The following EVC2 variants were observed in gnomAD, a reference collection of about 807,000 sequenced individuals.
EVC2 encodes EvC ciliary complex subunit 2.
Under a neutral mutation model 149.3 loss-of-function variants are expected in EVC2, and 148 were observed. The observed-to-expected ratio is 0.99, with a 90% confidence interval of 0.87 to 1.14. EVC2 has a LOEUF of 1.14. EVC2 is among the 50% of genes most tolerant of loss of function. EVC2 has a pLI of 0.00. For synonymous variants in EVC2, 776 were observed against 649.9 expected (o/e 1.19, Z -2.95); for missense variants, 1,854 against 1,627.3 (o/e 1.14, Z -2.40).
Position 5,689,332 on chromosome 4 carries a change from C to G in EVC2, c.531G>C (p.Ser177=), listed in dbSNP as rs146658261. 6.2e-7 allele frequency: 1 copy of G among 1,614,084 alleles called. No individual in the cohort carries two copies. ...ATATGCGGGCTGTCTGTGCTTCACT[C>G]GACCCAGACACCTAGGGCAGAAGGA... is the stretch of plus-strand genomic sequence containing the variant. ...IFQKCALVSG[S]SEAQTARIWL... Residue 177 remains serine (S), a synonymous_variant, in exon 5 of 22, where the codon TCG becomes TCC. Transcript: ENST00000344408.
At chr4:5,665,743 G>A in intron 7 of EVC2, 94 bp from the exon 8 acceptor site, 1 of 1,543,980 alleles carries the variant, frequency 6.5e-7, no homozygotes, top group Non-Finnish European at 8.8e-7. Flanking sequence ...AGACCAAGCA[G>A]GGACCAGGGG....
Position 5,649,893 on chromosome 4 carries a change from G to A in EVC2, c.1146-9055C>T, listed in dbSNP as rs563559798. ...AAGGCATAGACAATGGAAATTTGGG[G>A]AGAAAAATACCTCCTGAGTATATTT... On this transcript the variant is annotated intron_variant, in intron 9 of 21. Transcript: ENST00000344408. 2.6e-5 allele frequency among the ~76,000 whole-genome samples: 4 copies of A among 152,198 alleles called. No individual in the cohort carries two copies. The South Asian group carries it at 8.3e-4, about 32-fold the overall frequency.
intron 7 of EVC2, among the ~76,000 whole-genome samples, 168 bp from the exon 8 acceptor site, chr4:5,665,817 T>A (rs548668328): frequency 6.6e-6 from 1 of 152,294 alleles, no homozygotes; most frequent in East Asian, 1.9e-4. Flanking sequence ...CCCTCGCTGG[T>A]CCTCTCTGAG....
chr4:5,703,353 T>C (rs879271317), intron 1 of EVC2, among the ~76,000 whole-genome samples: 2 of 152,232 alleles, frequency 1.3e-5, no homozygotes, highest in Non-Finnish European at 2.9e-5. Flanking sequence ...AGATGAGGAA[T>C]GTGAATCTGA....
chr4:5,639,798 AC>A (rs1717182629), intron 10 of EVC2, among the ~76,000 whole-genome samples: 1 of 152,194 alleles, frequency 6.6e-6, no homozygotes, highest in African/African-American at 2.4e-5. Context: ...TTTCTTCTCT[AC>A]CCATGAATTC....
At position 5,596,667 on chromosome 4, in the gene EVC2, A is replaced by G. The variant is rs78602253; in HGVS notation, c.2830-11817T>C. On this transcript the variant is annotated intron_variant, in intron 16 of 21. Transcript: ENST00000344408. Reference sequence around the variant, plus strand: ...ACATCACAATTAAAAGAACTACAGAAGTAAGAGCAAACACATTCAAAAGCT... The same window carrying G: ...ACATCACAATTAAAAGAACTACAGAGGTAAGAGCAAACACATTCAAAAGCT... Among the ~76,000 whole-genome samples the G allele has an allele frequency of 2.2e-4, 34 of 152,336 alleles. No homozygotes were observed. In the East Asian group the frequency reaches 4.4e-3, roughly 20 times the overall value.
intron 5 of EVC2, 145 bp downstream of exon 5, chr4:5,689,012 C>G (rs1720920075): frequency 2.3e-6 from 2 of 863,864 alleles, no homozygotes; most frequent in Non-Finnish European, 1.8e-6. Flanking sequence ...TTTTTGATAC[C>G]CTGATAGTAA....
chr4:5,677,009 G>GC lies in EVC2; in HGVS notation c.870+4250_870+4251insG. ...AGCCCCCGTGGGCATTGGGGCATGA[G>GC]GCCCTGATGCAAAACATTCACTGTC... On this transcript the variant is annotated intron_variant, in intron 7 of 21. Coordinates refer to ENST00000344408, the MANE Select transcript of EVC2 (RefSeq NM_147127.5). The surrounding 1 kb of genome is among the most constrained non-coding windows in gnomAD (Gnocchi z 4.3). Among the ~76,000 whole-genome samples, 1 of 152,140 alleles carries GC rather than the reference G, an allele frequency of 6.6e-6. No individual in the cohort carries two copies. Among genetic ancestry groups the GC allele is most frequent in the Admixed American group, 6.5e-5 (1 of 15,276 alleles).
At chr4:5,701,327 T>C (rs2151743306) in intron 1 of EVC2, among the ~76,000 whole-genome samples, 2 of 152,320 alleles carry the variant, frequency 1.3e-5, no homozygotes, top group South Asian at 4.2e-4. Flanking sequence ...CTGAATTCCT[T>C]GTATAATGTC....
chr4:5,615,288 C>A, intron 16 of EVC2, 134 bp downstream of exon 16: 1 of 1,446,180 alleles, frequency 6.9e-7, no homozygotes, highest in Non-Finnish European at 9.5e-7. Context: ...TACCTTAGCA[C>A]CTGAGTGAGT....
chr4:5,662,567 AAT>A (rs1018457937), intron 9 of EVC2, among the ~76,000 whole-genome samples: 1 of 137,308 alleles, frequency 7.3e-6, no homozygotes, highest in Non-Finnish European at 1.6e-5. Context: ...TATTAAATAT[AAT>A]ATATATTTAT....
chr4:5,583,514 T>C lies in EVC2; in HGVS notation c.3057+1109A>G, dbSNP rs550204735. Among the ~76,000 whole-genome samples the C allele has an allele frequency of 2.6e-5, 4 of 152,338 alleles. No individual in the cohort carries two copies. The East Asian group carries it at 5.8e-4, about 22-fold the overall frequency. ...TGTGGTTTGGAAGATTTTAAAGTAC[T>C]GAATCAATTTCTTTCATGGCAAGAG... is the stretch of plus-strand genomic sequence containing the variant. On this transcript the variant is annotated intron_variant, in intron 17 of 21. Transcript: ENST00000344408.
At position 5,665,576 on chromosome 4, in the gene EVC2, GC is replaced by G; in HGVS notation, c.943del (p.Ala315LeufsTer12). ...ATAGCGAACCATGAGGAAGAGGGCA[GC>G]CCAGGTCAGCACAAGGGAGAGGAGG... The part of the protein sequence containing the change: ...AFLLSLVLTW[A>X]ALFLMVRYQC... On this transcript the variant is annotated frameshift_variant, in exon 8 of 22. Coordinates refer to ENST00000344408, the MANE Select transcript of EVC2 (RefSeq NM_147127.5). LOFTEE classifies it high-confidence loss of function. The G allele has an allele frequency of 6.2e-7, 1 of 1,614,216 alleles. No homozygotes were observed. The highest frequency in any genetic ancestry group is 8.5e-7 in the Non-Finnish European group (1 of 1,180,026).
intron 21 of EVC2, among the ~76,000 whole-genome samples, chr4:5,564,541 G>A (rs1722145276): frequency 6.6e-6 from 1 of 152,202 alleles, no homozygotes; most frequent in Admixed American, 6.5e-5. Flanking sequence ...TGTGGAAGGG[G>A]CAGGACTGAG....
intron 9 of EVC2, among the ~76,000 whole-genome samples, chr4:5,662,566 TAA>T (rs1008780845): frequency 1.2e-4 from 17 of 136,462 alleles, no homozygotes; most frequent in Non-Finnish European, 2.7e-4. Flanking sequence ...ATATTAAATA[TAA>T]TATATATTTA....
downstream of EVC2, among the ~76,000 whole-genome samples, chr4:5,560,525 G>C (rs563873458): frequency 6.6e-6 from 1 of 152,116 alleles, no homozygotes; most frequent in South Asian, 2.1e-4. The surrounding 1 kb of genome is among the most constrained non-coding windows in gnomAD (Gnocchi z 4.1). Flanking sequence ...TCACTCACGA[G>C]AACAGTACAG....
chr4:5,708,038 G>C (rs1577284242), intron 1 of EVC2: 1 of 403,710 alleles, frequency 2.5e-6, no homozygotes, highest in Non-Finnish European at 4.4e-6. Context: ...TGGAGAGCAG[G>C]ATTCGAACCA....
In EVC2 at chr4:5,568,583, G is replaced by A. The variant is rs376225141; in HGVS notation, c.3418C>T (p.Arg1140Cys). Residue 1140 changes from arginine (R) to cysteine (C), a missense_variant, in exon 20 of 22, where the codon CGC becomes TGC. Arg to Cys is a radical substitution (Grantham distance 180, BLOSUM62 -3). Coordinates refer to ENST00000344408, the MANE Select transcript of EVC2 (RefSeq NM_147127.5). ...RMAMVPGATL[R>C]RLLSVVLPTA... ...GGCAGTACCACACTCAGGAGCCGGC[G>A]AAGCGTGGCCCCGGGCACCATGGCC... 2.2e-5 allele frequency: 36 copies of A among 1,608,220 alleles called. No homozygotes were observed. The highest frequency in any genetic ancestry group is 1.7e-4 in the African/African-American group (13 of 74,894).
intron 16 of EVC2, among the ~76,000 whole-genome samples, chr4:5,610,278 C>T (rs1482376306): frequency 6.6e-6 from 1 of 152,166 alleles, no homozygotes; most frequent in Non-Finnish European, 1.5e-5. Context: ...CTATCGTATG[C>T]ATATATTAAT....
Sources: gnomAD v4.1 joint callset for allele counts (sites outside exome capture counted in the v4.1 genomes callset) on GRCh38, gnomAD v4.1.1 for gene constraint, Gnocchi (gnomAD v3.1) non-coding constraint, MANE v1.5 for transcripts, NCBI Gene and HGNC (gene_info 2026-07-23, HGNC 2026-07-21) for gene names.